The following PRKCB variants were observed in gnomAD, a reference collection of about 807,000 sequenced individuals.
The protein encoded by PRKCB is protein kinase C beta type.
A neutral mutation model predicts 81.5 loss-of-function variants in PRKCB; 13 were observed. The observed-to-expected ratio is 0.16, with a 90% CI of 0.10 to 0.25. The LOEUF is 0.25. Ranked by LOEUF, PRKCB falls within the 10% of genes least tolerant of loss-of-function variation. The probability of loss-of-function intolerance (pLI) is 1.00; values close to 1 mark genes in which losing one functional copy is unlikely to be tolerated. For missense variants in PRKCB, 509 were observed against 875.7 expected, an observed-to-expected ratio of 0.58 and a Z score of 5.29; for synonymous variants, 335 against 321.4, an observed-to-expected ratio of 1.04 and a Z score of -0.45.
chr16:24,016,463 A>G (rs775563098), intron 3 of PRKCB, among the ~76,000 whole-genome samples: 1 of 152,116 alleles, frequency 6.6e-6, no homozygotes, highest in Non-Finnish European at 1.5e-5. Context: ...CTTAACATGG[A>G]TGGCAAATGT....
chr16:23,894,720 G>T (rs1037107952), intron 2 of PRKCB, among the ~76,000 whole-genome samples: 1 of 152,128 alleles, frequency 6.6e-6, no homozygotes. Context: ...TATGTTCATT[G>T]TAAAAACCTG....
intron 4 of PRKCB, among the ~76,000 whole-genome samples, chr16:24,034,505 C>T (rs1447979272): frequency 6.6e-6 from 1 of 152,224 alleles, no homozygotes; most frequent in African/African-American, 2.4e-5. Context: ...CACAGATACT[C>T]TACGGAGGAG....
intron 2 of PRKCB, among the ~76,000 whole-genome samples, chr16:23,964,058 C>T (rs986045797): frequency 2.0e-5 from 3 of 152,188 alleles, no homozygotes; most frequent in African/African-American, 7.2e-5. Context: ...GCATCTATAA[C>T]CCCACGGTCC....
At chr16:24,096,652 C>CAA (rs1219127854) in intron 7 of PRKCB, among the ~76,000 whole-genome samples, 573 of 40,576 alleles carry the variant, frequency 0.014, 6 homozygotes, top group Non-Finnish European at 0.019. Context: ...CTTCCTATGG[C>CAA]AAAAAAAAAA....
chr16:24,220,259 T>A lies in PRKCB; in HGVS notation c.*5443T>A. 1.1e-6 allele frequency: 1 copy of A among 924,126 alleles called. No homozygotes were observed. Among genetic ancestry groups the A allele is most frequent in the Non-Finnish European group, 1.6e-6 (1 of 629,542 alleles). The allele number at this position is 924,126 out of a possible 1,614,324, so 57.2% of individuals were successfully genotyped here. A position where few individuals can be genotyped will look rare whatever the true frequency, so the allele number is the denominator to read the frequency against. ...CTTAGAGGGCTTTTCTTTGTATGTG[T>A]AGCTTGCTAGTTTGTTTTCTACATT... On this transcript the variant is annotated 3_prime_UTR_variant, in exon 17 of 17. Coordinates refer to ENST00000643927, the MANE Select transcript of PRKCB (RefSeq NM_002738.7).
chr16:24,082,334 AT>A (rs1012931002), intron 5 of PRKCB, among the ~76,000 whole-genome samples: 6 of 152,196 alleles, frequency 3.9e-5, no homozygotes, highest in Admixed American at 3.9e-4. Context: ...TCCCAGCAGG[AT>A]TTTTTGTATG....
chr16:23,881,118 C>T (rs1238807070), intron 2 of PRKCB, among the ~76,000 whole-genome samples: 1 of 151,990 alleles, frequency 6.6e-6, no homozygotes, highest in African/African-American at 2.4e-5. Flanking sequence ...GAATGTTTGC[C>T]TCTCCTCTTC....
chr16:23,888,955 A>G (rs1963246721), intron 2 of PRKCB, among the ~76,000 whole-genome samples: 1 of 152,194 alleles, frequency 6.6e-6, no homozygotes, highest in South Asian at 2.1e-4. Flanking sequence ...TGGGGGGAGT[A>G]TGAGACCTGC....
chr16:24,216,190 T>C lies in PRKCB; in HGVS notation c.*1374T>C, dbSNP rs1181683200. On this transcript the variant is annotated 3_prime_UTR_variant, in exon 17 of 17. Coordinates refer to ENST00000643927, the MANE Select transcript of PRKCB (RefSeq NM_002738.7). The stretch of plus-strand genomic sequence containing the variant: ...GCCCATTCAGGGGCTGCTGGTGGGC[T>C]GTAGTGGGGTGGGATGACCTGGCCA... 5.1e-6 allele frequency: 5 copies of C among 985,226 alleles called. No individual in the cohort carries two copies. Among genetic ancestry groups the C allele is most frequent in the Non-Finnish European group, 6.0e-6 (5 of 829,978 alleles). The allele number at this position is 985,226 out of a possible 1,614,324, so 61.0% of individuals were successfully genotyped here.
chr16:24,136,865 A>ATTTTTT (rs1205135669), intron 9 of PRKCB, among the ~76,000 whole-genome samples: 1 of 151,750 alleles, frequency 6.6e-6, no homozygotes, highest in Non-Finnish European at 1.5e-5. Flanking sequence ...TTTTATTTTA[A>ATTTTTT]TTTTTTTATT....
intron 5 of PRKCB, among the ~76,000 whole-genome samples, chr16:24,074,270 C>G (rs1261049927): frequency 1.3e-5 from 2 of 152,190 alleles, no homozygotes; most frequent in African/African-American, 4.8e-5. Context: ...GATGGATCTT[C>G]CGAGGCACTG....
At chr16:24,131,278 G>A (rs1390820721) in intron 9 of PRKCB, among the ~76,000 whole-genome samples, 1 of 152,246 alleles carries the variant, frequency 6.6e-6, no homozygotes, top group Non-Finnish European at 1.5e-5. Flanking sequence ...GCAGAGAGGT[G>A]AGAGACAGAA....
intron 2 of PRKCB, among the ~76,000 whole-genome samples, chr16:23,941,119 G>A (rs1295727717): frequency 1.3e-5 from 2 of 152,148 alleles, no homozygotes; most frequent in Non-Finnish European, 2.9e-5. Context: ...AATATTTTAG[G>A]TTTATGGGGC....
intron 5 of PRKCB, among the ~76,000 whole-genome samples, chr16:24,051,115 T>C (rs2141870140): frequency 6.6e-6 from 1 of 152,296 alleles, no homozygotes; most frequent in South Asian, 2.1e-4. Context: ...CCCTCCTTAC[T>C]TTTGAAAAGA....
chr16:23,907,019 G>A (rs149062147), intron 2 of PRKCB, among the ~76,000 whole-genome samples: 19 of 152,238 alleles, frequency 1.2e-4, no homozygotes, highest in African/African-American at 3.1e-4. Context: ...TGAGTGTCCC[G>A]TGCTGGGAGG....
At position 23,990,076 on chromosome 16, in the gene PRKCB, T is replaced by G. The variant is rs1296424157; in HGVS notation, c.288+1486T>G. ...CCTGAGCATGGCAGAGTGGAAAACT[T>G]AAAAGAACCGTGGGTCCATGATGAT... is the stretch of plus-strand genomic sequence containing the variant. On this transcript the variant is annotated intron_variant, in intron 3 of 16. Transcript: ENST00000643927. 2.0e-5 allele frequency among the ~76,000 whole-genome samples: 3 copies of G among 152,150 alleles called. No homozygotes were observed. The East Asian group carries it at 5.8e-4, about 29-fold the overall frequency.
At chr16:24,155,639 G>A (rs1019611107) in intron 10 of PRKCB, among the ~76,000 whole-genome samples, 3 of 152,182 alleles carry the variant, frequency 2.0e-5, no homozygotes, top group African/African-American at 7.2e-5. Context: ...ACTCTATCCA[G>A]TTCTCAACTT....
intron 2 of PRKCB, among the ~76,000 whole-genome samples, chr16:23,902,744 T>C (rs143783581): frequency 0.23 from 1,227 of 5,436 alleles, 120 homozygotes; most frequent in African/African-American, 0.34. Context: ...CTTCCTTCCT[T>C]CCTTCCTTCC....
intron 2 of PRKCB, among the ~76,000 whole-genome samples, chr16:23,926,589 C>T (rs1158372786): frequency 1.3e-5 from 2 of 151,010 alleles, no homozygotes; most frequent in African/African-American, 2.4e-5. Flanking sequence ...GATATACATA[C>T]ATATACCACA....
Sources: gnomAD v4.1 joint callset for allele counts (sites outside exome capture counted in the v4.1 genomes callset) on GRCh38, gnomAD v4.1.1 for gene constraint, MANE v1.5 for transcripts, NCBI Gene and HGNC (gene_info 2026-07-23, HGNC 2026-07-21) for gene names.